The following ELSPBP1 variants were observed in gnomAD, a reference collection of about 807,000 sequenced individuals.
The protein encoded by ELSPBP1 is epididymal sperm-binding protein 1.
ELSPBP1 carries 38 observed loss-of-function variants against 33.3 expected under a neutral mutation model. The ratio of observed to expected loss-of-function variants is 1.14; its 90% CI spans 0.88 to 1.50. ELSPBP1 has a LOEUF of 1.50. Ranked by LOEUF, ELSPBP1 falls within the 40% of genes most tolerant of loss-of-function variation. The probability of loss-of-function intolerance (pLI) is 0.00; values close to 1 mark genes in which losing one functional copy is unlikely to be tolerated. For synonymous variants in ELSPBP1, 85 were observed against 94.1 expected (o/e 0.90, Z 0.56); for missense variants, 267 against 263.5 (o/e 1.01, Z -0.09).
chr19:48,001,388 G>C (rs1187525012), intron 1 of ELSPBP1, among the ~76,000 whole-genome samples: 2 of 148,266 alleles, frequency 1.3e-5, no homozygotes, highest in Non-Finnish European at 3.0e-5. Flanking sequence ...TCACCATGTT[G>C]GCCAGCATGG....
intron 4 of ELSPBP1, among the ~76,000 whole-genome samples, chr19:48,017,399 C>G (rs1967153640): frequency 6.6e-6 from 1 of 152,174 alleles, no homozygotes; most frequent in African/African-American, 2.4e-5. Flanking sequence ...CTCACTATAG[C>G]TTTGTCCTAG....
At chr19:48,001,068 T>G (rs1195715507) in intron 1 of ELSPBP1, among the ~76,000 whole-genome samples, 1 of 152,148 alleles carries the variant, frequency 6.6e-6, no homozygotes, top group Non-Finnish European at 1.5e-5. Context: ...TCTTCCAGCT[T>G]CTAAAGGTCG....
chr19:48,010,392 A>C (rs2122310168), intron 2 of ELSPBP1, among the ~76,000 whole-genome samples: 1 of 152,318 alleles, frequency 6.6e-6, no homozygotes, highest in South Asian at 2.1e-4. Context: ...GCGTGTATTT[A>C]CAGATAAATT....
chr19:48,013,219 C>A (rs894438810), intron 2 of ELSPBP1, among the ~76,000 whole-genome samples: 4 of 152,204 alleles, frequency 2.6e-5, no homozygotes, highest in Non-Finnish European at 5.9e-5. Context: ...ATTGGCCCCC[C>A]ATTTTATGCT....
chr19:48,023,390 AGGG>A (rs1967226704), intron 6 of ELSPBP1, among the ~76,000 whole-genome samples: 3 of 25,424 alleles, frequency 1.2e-4, no homozygotes, highest in African/African-American at 3.2e-4. Context: ...AGGAGGGAGG[AGGG>A]AGGGAGGAAG....
At chr19:47,996,777 G>A (rs1473408412) in intron 1 of ELSPBP1, among the ~76,000 whole-genome samples, 1 of 152,114 alleles carries the variant, frequency 6.6e-6, no homozygotes, top group East Asian at 1.9e-4. Flanking sequence ...AATATTTTCA[G>A]GAAAGTTTGA....
chr19:48,019,670 CTT>C (rs763412497), intron 4 of ELSPBP1, 47 bp from the exon 5 acceptor site: 1 of 1,569,686 alleles, frequency 6.4e-7, no homozygotes, highest in Non-Finnish European at 8.7e-7. Context: ...AATGGAAGCT[CTT>C]TTCATCTCCT....
chr19:48,022,118 A>G, intron 5 of ELSPBP1, 52 bp from the exon 6 acceptor site: 2 of 1,554,620 alleles, frequency 1.3e-6, no homozygotes, highest in Non-Finnish European at 8.7e-7. Flanking sequence ...CGCCTCTACG[A>G]CAGTGTGAAG....
chr19:47,998,243 C>T (rs1158578480), intron 1 of ELSPBP1, among the ~76,000 whole-genome samples: 2 of 151,976 alleles, frequency 1.3e-5, no homozygotes, highest in Non-Finnish European at 2.9e-5. Flanking sequence ...GAAACCCCGT[C>T]TCTACTAAAA....
chr19:48,021,391 C>T (rs1289825730), intron 5 of ELSPBP1, among the ~76,000 whole-genome samples: 1 of 146,972 alleles, frequency 6.8e-6, no homozygotes, highest in Non-Finnish European at 1.5e-5. Context: ...AGGGTTTACC[C>T]AGATTTTATT....
chr19:48,005,377 C>T (rs181254053), intron 1 of ELSPBP1, among the ~76,000 whole-genome samples: 9 of 152,090 alleles, frequency 5.9e-5, no homozygotes, highest in African/African-American at 1.4e-4. Flanking sequence ...GCAGGAAAAG[C>T]GGATAGATTC....
chr19:48,016,527 T>TCTTCCTTCCTTC (rs1292111942), intron 4 of ELSPBP1, among the ~76,000 whole-genome samples: 2 of 50,550 alleles, frequency 4.0e-5, no homozygotes, highest in African/African-American at 1.3e-4. Flanking sequence ...TTTCTTTCTT[T>TCTTCCTTCCTTC]CTTCCTTCCT....
In ELSPBP1 at chr19:48,022,299, A is replaced by C; in HGVS notation, c.644A>C (p.Asp215Ala). 1 of 1,612,898 alleles carries C rather than the reference A, an allele frequency of 6.2e-7. No individual in the cohort carries two copies. Among genetic ancestry groups the C allele is most frequent in the Non-Finnish European group, 8.5e-7 (1 of 1,179,478 alleles). The change falls in exon 6 of 7, where the codon GAC becomes GCC. Residue 215 changes from aspartate to alanine, a missense_variant. Transcript: ENST00000339841. ...LVWCATSYNY[D>A]QDHTWVYC ...TGGTGTGCAACTTCTTACAACTACG[A>C]CCAAGACCACACCTGGGTGTATTGC...
chr19:48,010,924 G>C (rs758464837), intron 2 of ELSPBP1, among the ~76,000 whole-genome samples: 3 of 152,090 alleles, frequency 2.0e-5, no homozygotes, highest in African/African-American at 7.2e-5. Context: ...CCACCTACAG[G>C]GGCATCTGCC....
chr19:48,009,084 C>T (rs569047243), intron 2 of ELSPBP1, among the ~76,000 whole-genome samples: 23 of 148,490 alleles, frequency 1.5e-4, no homozygotes, highest in Middle Eastern at 3.6e-3. Flanking sequence ...TGCAGTGAGC[C>T]GAGATCGTAC....
intron 1 of ELSPBP1, among the ~76,000 whole-genome samples, chr19:48,008,278 G>T (rs1452561871): frequency 4.6e-5 from 7 of 152,122 alleles, no homozygotes; most frequent in Admixed American, 4.6e-4. Context: ...TGTTACTGAG[G>T]CTATAGTACA....
chr19:48,015,974 G>C lies in ELSPBP1; in HGVS notation c.290G>C (p.Ser97Thr). The change falls in exon 4 of 7, where the codon AGT (serine) becomes ACT (threonine). Residue 97 changes from serine to threonine, a missense_variant. Transcript: ENST00000339841. ...ATCTCCCAGGGCAGCTTCTTAGGCA[G>C]TCTGTGGTGCTCAGTCACCTCTGTC... ...SCISQGSFLGSLWCSVTSVFD... is the reference protein window; with the variant it reads ...SCISQGSFLGTLWCSVTSVFD... 6.2e-7 allele frequency: 1 copy of C among 1,614,090 alleles called. No homozygotes were observed. Among genetic ancestry groups the C allele is most frequent in the Non-Finnish European group, 8.5e-7 (1 of 1,179,986 alleles).
Position 48,018,803 on chromosome 19 carries a change from A to G in ELSPBP1, c.356-916A>G, listed in dbSNP as rs200658203. ...AAGACCACCAAAGGAAATTAAAAAA[A>G]AAAGCCTGCTAATTAGGCAAGACTG... On this transcript the variant is annotated intron_variant, in intron 4 of 6. Coordinates refer to ENST00000339841, the MANE Select transcript of ELSPBP1 (RefSeq NM_022142.5). Among the ~76,000 whole-genome samples, 20 of 152,328 alleles carry G rather than the reference A, an allele frequency of 1.3e-4. No homozygotes were observed. The East Asian group carries it at 3.9e-3, about 29-fold the overall frequency.
intron 4 of ELSPBP1, among the ~76,000 whole-genome samples, chr19:48,017,717 A>G (rs1369738045): frequency 6.6e-6 from 1 of 151,816 alleles, no homozygotes; most frequent in Non-Finnish European, 1.5e-5. Flanking sequence ...ACATAGGAAG[A>G]CCCGCTCTGT....
Sources: allele counts gnomAD v4.1 joint callset (sites outside exome capture counted in the v4.1 genomes callset), GRCh38; gene constraint gnomAD v4.1.1; transcripts MANE v1.5; gene names NCBI Gene and HGNC (gene_info 2026-07-23, HGNC 2026-07-21).